CNPY3: variants seen among roughly 807,000 people sequenced by gnomAD.
CNPY3 encodes protein canopy homolog 3.
In CNPY3, 20 loss-of-function variants were observed where a neutral mutation model predicts 32.0. The ratio of observed to expected loss-of-function variants is 0.63; its 90% CI spans 0.44 to 0.91. The LOEUF is 0.91. Ranked by LOEUF, CNPY3 falls within the 40% of genes least tolerant of loss-of-function variation. The pLI is 0.00. For missense variants in CNPY3, 299 were observed against 340.8 expected (o/e 0.88, Z 0.97); for synonymous variants, 138 against 142.9 (o/e 0.97, Z 0.24).
At chr6:42,935,508 G>A (rs1768152672) in intron 2 of CNPY3, 66 bp from the exon 3 acceptor site, 1 of 1,562,610 alleles carries the variant, frequency 6.4e-7, no homozygotes, top group Non-Finnish European at 8.7e-7. Flanking sequence ...CAGGGCTGGA[G>A]GGACAGACCA....
chr6:42,931,446 C>T (rs1483222095), intron 1 of CNPY3, among the ~76,000 whole-genome samples: 2 of 150,978 alleles, frequency 1.3e-5, no homozygotes, highest in Non-Finnish European at 2.9e-5. Flanking sequence ...CCTTGACTCG[C>T]TGCAACCTCC....
chr6:42,936,277 C>G (rs1768227722), intron 3 of CNPY3, among the ~76,000 whole-genome samples: 1 of 147,718 alleles, frequency 6.8e-6, no homozygotes, highest in Non-Finnish European at 1.5e-5. Flanking sequence ...TTCATAAACT[C>G]CTGGGATACC....
intron 3 of CNPY3, 131 bp downstream of exon 3, chr6:42,935,801 A>G: frequency 9.2e-7 from 1 of 1,085,798 alleles, no homozygotes; most frequent in Non-Finnish European, 1.3e-6. Context: ...CCATTCTTTG[A>G]TTGCCGTTTG....
rs751837391 is a variant in CNPY3, at chr6:42,934,566, C to G, written c.243C>G (p.Asp81Glu). 11 of 1,613,942 alleles carry G rather than the reference C, an allele frequency of 6.8e-6. No individual in the cohort carries two copies. Among genetic ancestry groups the G allele is most frequent in the Middle Eastern group, 3.3e-4 (2 of 6,066 alleles). ...EVIGTGYGIL[D>E]QKASGVKYTK... is the part of the protein sequence containing the mutation. ...TTGGCACGGGCTATGGCATCCTGGA[C>G]CAGAAGGCCTCTGGAGTCAAATACA... The change falls in exon 2 of 6, where the codon GAC becomes GAG. Residue 81 changes from aspartate to glutamate, a missense_variant. Transcript: ENST00000372836.
At chr6:42,932,777 G>C (rs1388243759) in intron 1 of CNPY3, among the ~76,000 whole-genome samples, 2 of 152,154 alleles carry the variant, frequency 1.3e-5, no homozygotes, top group Non-Finnish European at 2.9e-5. Flanking sequence ...GAATTTGTAT[G>C]TGTTTCAAAT....
chr6:42,931,177 T>G (rs1457869553), intron 1 of CNPY3, among the ~76,000 whole-genome samples: 1 of 149,356 alleles, frequency 6.7e-6, no homozygotes, highest in East Asian at 2.0e-4. Context: ...GGCGTGAGCC[T>G]CTGCTCCTGG....
In CNPY3 at chr6:42,939,167, C is replaced by T. The variant is rs1768441205; in HGVS notation, c.*376C>T. 4 of 1,034,030 alleles carry T rather than the reference C, an allele frequency of 3.9e-6. No individual in the cohort carries two copies. The East Asian group carries it at 2.4e-4, about 63-fold the overall frequency. 64.1% of individuals were successfully genotyped at this position (1,034,030 alleles called of 1,614,324 possible). The stretch of plus-strand genomic sequence containing the variant: ...CCCCAACAGGGTACTAGGACTGCAG[C>T]CCCCTGTAGCTCCTCTCTGCTTACC... On this transcript the variant is annotated 3_prime_UTR_variant, in exon 6 of 6. Transcript: ENST00000372836.
At chr6:42,930,653 C>T (rs1451274103) in intron 1 of CNPY3, among the ~76,000 whole-genome samples, 1 of 152,160 alleles carries the variant, frequency 6.6e-6, no homozygotes, top group African/African-American at 2.4e-5. Flanking sequence ...GCCTGCCTTC[C>T]TAGCCCCGTA....
Position 42,935,589 on chromosome 6 carries a change from C to T in CNPY3, c.291C>T (p.Ile97=), listed in dbSNP as rs532376229. The T allele has an allele frequency of 8.1e-6, 13 of 1,609,676 alleles. No homozygotes were observed. The highest frequency in any genetic ancestry group is 8.0e-5 in the African/African-American group (6 of 74,944). ...VKYTKSDLRL[I]EVTETICKRL... ...GTCTTGGCAGGGACTTGCGGTTAAT[C>T]GAAGTCACTGAGACCATTTGCAAGA... Residue 97 remains isoleucine, a synonymous_variant, in exon 3 of 6, where the codon ATC becomes ATT. Coordinates refer to ENST00000372836, the MANE Select transcript of CNPY3 (RefSeq NM_006586.5).
At chr6:42,931,599 G>T (rs984952184) in intron 1 of CNPY3, among the ~76,000 whole-genome samples, 6 of 152,040 alleles carry the variant, frequency 3.9e-5, no homozygotes, top group African/African-American at 1.5e-4. Context: ...GAACTCGGGT[G>T]ATCCACCCAC....
chr6:42,938,445 C>T, intron 5 of CNPY3, 123 bp from the exon 6 acceptor site: 2 of 975,188 alleles, frequency 2.1e-6, no homozygotes, highest in Admixed American at 2.5e-5. Context: ...AGGCAGGAGG[C>T]AGGGAGGCTG....
chr6:42,933,996 C>T (rs1768027179), intron 1 of CNPY3, among the ~76,000 whole-genome samples: 1 of 152,082 alleles, frequency 6.6e-6, no homozygotes, highest in Non-Finnish European at 1.5e-5. Context: ...CAAGATGAAA[C>T]CTGTCTCTAC....
rs371257960 is a variant in CNPY3, at chr6:42,938,227, G to T, written c.613+20G>T. On this transcript the variant is annotated intron_variant, in intron 5 of 5. Transcript: ENST00000372836. ...ACACCAGTGAGTTTGGGGAAGCAAG[G>T]GCAGGCTGGCTCTGGATGATTTGTT... 40 of 1,572,762 alleles carry T rather than the reference G, an allele frequency of 2.5e-5. No individual in the cohort carries two copies. The highest frequency in any genetic ancestry group is 3.3e-5 in the Non-Finnish European group (38 of 1,142,714).
At chr6:42,929,129 A>AGCCGCGAAGACG (rs1767549094), upstream of CNPY3, 1 of 159,786 alleles carries the variant, frequency 6.3e-6, no homozygotes. Context: ...AGGCGGAGAA[A>AGCCGCGAAGACG]GCCGCGAAGA....
Position 42,938,725 on chromosome 6 carries a change from C to T in CNPY3, c.771C>T (p.Ser257=). 1 of 1,613,934 alleles carries T rather than the reference C, an allele frequency of 6.2e-7. No homozygotes were observed. Among genetic ancestry groups the T allele is most frequent in the African/African-American group, 1.3e-5 (1 of 75,042 alleles). ...TGGGTGGCCTTGAGGGAGACCCCAG[C>T]CCCGAGGAGGATGAGGGCATCCAGA... ...KELGGLEGDP[S]PEEDEGIQKA... The change falls in exon 6 of 6, where the codon AGC becomes AGT. Residue 257 remains serine, a synonymous_variant. Coordinates refer to ENST00000372836, the MANE Select transcript of CNPY3 (RefSeq NM_006586.5).
chr6:42,931,482 A>C (rs1005469088), intron 1 of CNPY3, among the ~76,000 whole-genome samples: 3 of 146,720 alleles, frequency 2.0e-5, no homozygotes, highest in Non-Finnish European at 4.5e-5. Context: ...GGATTCTTCT[A>C]CCTCAGCCTC....
Position 42,937,748 on chromosome 6 carries a change from A to G in CNPY3, c.404A>G (p.Asn135Ser), listed in dbSNP as rs759637866. ...GMSETFETLH[N>S]LVHKGVKVVM... ...TCAGAGACCTTTGAGACATTACACA[A>G]CCTGGTACACAAAGGGGTCAAGGTG... The change falls in exon 4 of 6, where the codon AAC becomes AGC. Residue 135 changes from asparagine to serine, a missense_variant. Physicochemically the swap from Asn to Ser is conservative, Grantham distance 46. Coordinates refer to ENST00000372836, the MANE Select transcript of CNPY3 (RefSeq NM_006586.5). 29 of 1,613,962 alleles carry G rather than the reference A, an allele frequency of 1.8e-5. No individual in the cohort carries two copies. Among genetic ancestry groups the G allele is most frequent in the South Asian group, 7.7e-5 (7 of 91,082 alleles).
At chr6:42,932,434 C>T (rs1157053562) in intron 1 of CNPY3, among the ~76,000 whole-genome samples, 1 of 152,058 alleles carries the variant, frequency 6.6e-6, no homozygotes, top group Non-Finnish European at 1.5e-5. Flanking sequence ...GGGTGGATGT[C>T]AGTGAGGGTC....
At chr6:42,931,735 T>TTA (rs1767840606) in intron 1 of CNPY3, among the ~76,000 whole-genome samples, 1 of 151,882 alleles carries the variant, frequency 6.6e-6, no homozygotes, top group Non-Finnish European at 1.5e-5. Flanking sequence ...TATTATTATT[T>TTA]TTTTTTGAGA....
Sources: allele counts gnomAD v4.1 joint callset (sites outside exome capture counted in the v4.1 genomes callset), GRCh38; gene constraint gnomAD v4.1.1; transcripts MANE v1.5; gene names NCBI Gene and HGNC (gene_info 2026-07-23, HGNC 2026-07-21).